NHSL1: variants seen among roughly 807,000 people sequenced by gnomAD.
NHSL1 encodes NHS like 1.
Under a neutral mutation model 95.0 loss-of-function variants are expected in NHSL1, and 48 were observed. The observed-to-expected ratio is 0.51, with a 90% CI of 0.40 to 0.64. NHSL1 has a LOEUF of 0.64. Ranked by LOEUF, NHSL1 falls within the 30% of genes least tolerant of loss-of-function variation. The pLI is 0.00. For missense variants in NHSL1, 1,971 were observed against 2,077.7 expected (o/e 0.95, Z 1.00); for synonymous variants, 783 against 833.9 (o/e 0.94, Z 1.05).
upstream of NHSL1, among the ~76,000 whole-genome samples, chr6:138,502,823 A>G (rs1275887843): frequency 6.6e-6 from 1 of 152,228 alleles, no homozygotes; most frequent in Non-Finnish European, 1.5e-5. Context: ...ACTAAGAGTT[A>G]TTATTGATAA....
At chr6:138,615,922 G>A (rs180890776) in intron 1 of NHSL1, among the ~76,000 whole-genome samples, 160 of 152,340 alleles carry the variant, frequency 1.1e-3, no homozygotes, top group Non-Finnish European at 1.3e-3. Flanking sequence ...CTCCCCAGGC[G>A]CTTATGTCTG....
chr6:138,643,463 T>C (rs1035472852), intron 1 of NHSL1, among the ~76,000 whole-genome samples: 5 of 152,206 alleles, frequency 3.3e-5, no homozygotes, highest in African/African-American at 1.2e-4. Flanking sequence ...GACAAATACA[T>C]AATAATGTGT....
rs1453836809 is a variant in NHSL1 at position 138,432,649 on chromosome 6, G to A, written c.1696C>T (p.Leu566=). ...CCAGGAGTTGCTAAATGCGGCTTCA[G>A]GGGGGATGCCCTTCCATTACCTGAG... is the stretch of plus-strand genomic sequence containing the variant. ...KSSGNGRASP[L]KPHLATPGYS... is the part of the protein sequence containing the mutation. The change falls in exon 6 of 8, where the codon CTG becomes TTG. Residue 566 remains leucine, a synonymous_variant. Transcript: ENST00000343505. This position sits in a 1 kb window ranked among gnomAD's most constrained non-coding sequence, Gnocchi z 4.4. The A allele has an allele frequency of 5.2e-6, 8 of 1,551,606 alleles. No individual in the cohort carries two copies. Among genetic ancestry groups the A allele is most frequent in the Non-Finnish European group, 5.2e-6 (6 of 1,146,852 alleles).
chr6:138,662,002 A>G (rs1785233924), intron 1 of NHSL1, among the ~76,000 whole-genome samples: 1 of 152,166 alleles, frequency 6.6e-6, no homozygotes, highest in African/African-American at 2.4e-5. Context: ...TGAGCCCACA[A>G]GTTTGAGGCT....
Position 138,524,124 on chromosome 6 carries a change from G to T in NHSL1, c.16+21499C>A, listed in dbSNP as rs79827958. 1.8e-4 allele frequency among the ~76,000 whole-genome samples: 28 copies of T among 152,258 alleles called. No individual in the cohort carries two copies. The East Asian group carries it at 5.4e-3, about 29-fold the overall frequency. ...TCAAGCCAGGTCTGGGACCCTGAAGGTTCCCTCCTATTTACCTCTGAAGAA... is the reference window on the plus strand; with the variant it reads ...TCAAGCCAGGTCTGGGACCCTGAAGTTTCCCTCCTATTTACCTCTGAAGAA... On this transcript the variant is annotated intron_variant, in intron 1 of 4. Transcript: ENST00000342260.
intron 1 of NHSL1, among the ~76,000 whole-genome samples, chr6:138,610,880 C>T (rs150100479): frequency 0.016 from 2,493 of 152,084 alleles, 30 homozygotes; most frequent in Non-Finnish European, 0.025. Flanking sequence ...GAGTTCAAGA[C>T]CAGCCTGACG....
At chr6:138,610,126 C>A (rs191233242) in intron 1 of NHSL1, among the ~76,000 whole-genome samples, 2 of 152,230 alleles carry the variant, frequency 1.3e-5, no homozygotes, top group Non-Finnish European at 2.9e-5. Flanking sequence ...ATGCCTCATC[C>A]CAAAATGTCC....
In NHSL1 at chr6:138,430,887, G is replaced by A. The variant is rs563130045; in HGVS notation, c.3458C>T (p.Ala1153Val). ...GCTCACAGGGCCACCACGCTCAGCC[G>A]CACTGCCATGGTCACCCTGACTCGA... is the stretch of plus-strand genomic sequence containing the variant. ...KSSSQGDHGS[A>V]AERGGPVSRS... Residue 1153 changes from alanine (A) to valine (V), a missense_variant, in exon 6 of 8, where the codon GCG (alanine) becomes GTG (valine). Around this residue, in one of 3 missense-constraint regions of NHSL1, gnomAD observed 1,602 missense variants for 1,654.5 expected, o/e 0.97. Transcript: ENST00000343505. The surrounding 1 kb of genome is among the most constrained non-coding windows in gnomAD (Gnocchi z 4.7). 6.0e-5 allele frequency: 93 copies of A among 1,551,370 alleles called. No individual in the cohort carries two copies. Among genetic ancestry groups the A allele is most frequent in the South Asian group, 4.6e-4 (39 of 84,060 alleles).
At chr6:138,543,736 C>T (rs534770036) in intron 1 of NHSL1, among the ~76,000 whole-genome samples, 46 of 152,276 alleles carry the variant, frequency 3.0e-4, no homozygotes, top group African/African-American at 1.1e-3. Flanking sequence ...TCTCACTCAC[C>T]CTTATTTTAT....
intron 3 of NHSL1, among the ~76,000 whole-genome samples, chr6:138,448,389 A>C (rs184171990): frequency 9.2e-5 from 14 of 152,336 alleles, no homozygotes; most frequent in Admixed American, 9.1e-4. Flanking sequence ...GAAGCATTTA[A>C]ACGGAACTAC....
chr6:138,673,530 A>G (rs986013566), intron 1 of NHSL1, among the ~76,000 whole-genome samples: 12 of 152,118 alleles, frequency 7.9e-5, no homozygotes, highest in African/African-American at 2.9e-4. Flanking sequence ...CCAATTCCAT[A>G]TAACACAATC....
chr6:138,515,510 C>T (rs951568900), intron 1 of NHSL1, among the ~76,000 whole-genome samples: 1 of 152,194 alleles, frequency 6.6e-6, no homozygotes, highest in Admixed American at 6.5e-5. Context: ...ATGGCTTATC[C>T]GCTCCATAAT....
intron 1 of NHSL1, among the ~76,000 whole-genome samples, chr6:138,532,208 G>A (rs1782163419): frequency 6.6e-6 from 1 of 152,194 alleles, no homozygotes. Context: ...AAATATGGAT[G>A]GGGGAAGAGG....
intron 1 of NHSL1, among the ~76,000 whole-genome samples, chr6:138,674,400 C>A (rs909941028): frequency 6.6e-6 from 1 of 152,014 alleles, no homozygotes; most frequent in Non-Finnish European, 1.5e-5. Context: ...TGGTTTGCTG[C>A]ACCTAACAAC....
chr6:138,624,172 A>C (rs1279907988), intron 1 of NHSL1, among the ~76,000 whole-genome samples: 1 of 152,194 alleles, frequency 6.6e-6, no homozygotes, highest in Non-Finnish European at 1.5e-5. Flanking sequence ...GGTGGCAGCA[A>C]TGGTGGACGC....
intron 1 of NHSL1, among the ~76,000 whole-genome samples, chr6:138,578,402 C>T (rs1583431226): frequency 6.6e-6 from 1 of 152,134 alleles, no homozygotes; most frequent in East Asian, 1.9e-4. Context: ...AGAACATGGA[C>T]GTCAGAGGCT....
chr6:138,632,090 T>A (rs1032808287), intron 1 of NHSL1, among the ~76,000 whole-genome samples: 2 of 152,178 alleles, frequency 1.3e-5, no homozygotes, highest in African/African-American at 4.8e-5. Context: ...GGCAGTACTG[T>A]CCGTGGGCCT....
At chr6:138,528,629 TATTA>T (rs1403539493) in intron 1 of NHSL1, among the ~76,000 whole-genome samples, 2 of 152,234 alleles carry the variant, frequency 1.3e-5, no homozygotes, top group Non-Finnish European at 2.9e-5. Flanking sequence ...TTCTAACTGC[TATTA>T]ATTATCACCC....
rs754998685 is a variant in NHSL1, at chr6:138,625,246, G to A, written c.96+67230C>T. ...CAACCTCCGCCTCCCAGGTTCAAGC[G>A]GTTCTCGTGCCTCAGCCTCCTGAGT... On this transcript the variant is annotated intron_variant, in intron 1 of 3. Coordinates refer to the NHSL1 transcript ENST00000491526. Among the ~76,000 whole-genome samples the A allele has an allele frequency of 5.3e-5, 8 of 152,088 alleles. No homozygotes were observed. The East Asian group carries it at 5.8e-4, about 11-fold the overall frequency.
Sources: allele counts gnomAD v4.1 joint callset (sites outside exome capture counted in the v4.1 genomes callset), GRCh38; gene constraint gnomAD v4.1.1; regional missense constraint gnomAD v4.1.1; non-coding constraint Gnocchi (gnomAD v3.1); transcripts MANE v1.5; gene names NCBI Gene and HGNC (gene_info 2026-07-23, HGNC 2026-07-21).